Variants in DOCK1 observed in about 807,000 individuals in gnomAD.
DOCK1 encodes dedicator of cytokinesis protein 1.
In DOCK1, 138 loss-of-function variants were observed where a neutral mutation model predicts 262.7. The observed-to-expected ratio is 0.53, with a 90% CI of 0.46 to 0.61. The LOEUF (loss-of-function observed/expected upper bound fraction) is 0.61, where lower values mean the gene tolerates loss of function less well. DOCK1 is among the 20% of genes least tolerant of loss of function. DOCK1 has a pLI of 0.00. For synonymous variants in DOCK1, 866 were observed against 867.4 expected, an observed-to-expected ratio of 1.00 and a Z score of 0.03; for missense variants, 1,908 against 2,370.7, an observed-to-expected ratio of 0.80 and a Z score of 4.05.
intron 29 of DOCK1, among the ~76,000 whole-genome samples, chr10:127,266,506 C>CACACACACAT (rs1554935855): frequency 5.9e-5 from 8 of 135,580 alleles, no homozygotes; most frequent in Admixed American, 1.5e-4. Context: ...CACACACACA[C>CACACACACAT]ATATATATAG....
At chr10:126,958,483 A>C (rs2036926307) in intron 1 of DOCK1, among the ~76,000 whole-genome samples, 1 of 152,198 alleles carries the variant, frequency 6.6e-6, no homozygotes, top group African/African-American at 2.4e-5. Flanking sequence ...GCATTTTGGC[A>C]CAATGGGTAT....
At chr10:126,956,650 G>T (rs2134471412) in intron 1 of DOCK1, among the ~76,000 whole-genome samples, 1 of 152,344 alleles carries the variant, frequency 6.6e-6, no homozygotes, top group African/African-American at 2.4e-5. Context: ...GGCCCCGGCT[G>T]GATGGACCTT....
chr10:127,206,980 A>G (rs986431469), intron 27 of DOCK1, among the ~76,000 whole-genome samples: 1 of 152,200 alleles, frequency 6.6e-6, no homozygotes, highest in African/African-American at 2.4e-5. Context: ...TTAGTGGCCT[A>G]TTAAGTATTT....
chr10:126,943,175 C>T (rs1030646975), intron 1 of DOCK1, among the ~76,000 whole-genome samples: 3 of 151,044 alleles, frequency 2.0e-5, no homozygotes, highest in African/African-American at 2.4e-5. Context: ...ATCATTTGAA[C>T]GTGGGAGGCG....
chr10:126,938,423 A>G (rs2034704027), intron 1 of DOCK1, among the ~76,000 whole-genome samples: 1 of 152,112 alleles, frequency 6.6e-6, no homozygotes, highest in Non-Finnish European at 1.5e-5. Flanking sequence ...TTCCCATTGA[A>G]TGGTCTTGGC....
intron 43 of DOCK1, among the ~76,000 whole-genome samples, chr10:127,412,235 T>C (rs1354860051): frequency 6.6e-6 from 1 of 152,168 alleles, no homozygotes; most frequent in Non-Finnish European, 1.5e-5. Context: ...GTGCTGGGAT[T>C]ACAGGCGTGA....
rs142549495 is a variant in DOCK1 at position 127,100,361 on chromosome 10, C to T, written c.2446-5870C>T. On this transcript the variant is annotated intron_variant, in intron 23 of 51. Coordinates refer to ENST00000623213, the MANE Select transcript of DOCK1 (RefSeq NM_001290223.2). The surrounding 1 kb of genome is among the most constrained non-coding windows in gnomAD (Gnocchi z 5.5). ...GGGGCTGTGAGGAAGAGAGAACACCCGGTGTGATGCCCAGGCCTGTGGCAT... is the reference window on the plus strand; with the variant it reads ...GGGGCTGTGAGGAAGAGAGAACACCTGGTGTGATGCCCAGGCCTGTGGCAT... 7.8e-4 allele frequency among the ~76,000 whole-genome samples: 118 copies of T among 152,256 alleles called. No individual in the cohort carries two copies. The highest frequency in any genetic ancestry group is 2.6e-3 in the African/African-American group (109 of 41,558).
At chr10:127,375,951 C>T (rs2065461754) in intron 35 of DOCK1, among the ~76,000 whole-genome samples, 1 of 152,132 alleles carries the variant, frequency 6.6e-6, no homozygotes, top group African/African-American at 2.4e-5. Context: ...TACAGAGAAC[C>T]ACAGAGTGGA....
Position 127,101,380 on chromosome 10 carries a change from G to A in DOCK1, c.2446-4851G>A, listed in dbSNP as rs980984431. Among the ~76,000 whole-genome samples, 4 of 152,110 alleles carry A rather than the reference G, an allele frequency of 2.6e-5. No individual in the cohort carries two copies. In the South Asian group the frequency reaches 6.2e-4, roughly 24 times the overall value. ...TCTCCTCATGTTTCTTCTGAATTCCGTTCTCTCTGTCCTGTCTTTGTTCTG... is the reference window on the plus strand; with the variant it reads ...TCTCCTCATGTTTCTTCTGAATTCCATTCTCTCTGTCCTGTCTTTGTTCTG... On this transcript the variant is annotated intron_variant, in intron 23 of 51. Transcript: ENST00000623213.
intron 1 of DOCK1, among the ~76,000 whole-genome samples, chr10:126,923,699 G>C (rs767620958): frequency 6.6e-6 from 1 of 152,166 alleles, no homozygotes; most frequent in Non-Finnish European, 1.5e-5. Flanking sequence ...CGCCATTCTC[G>C]GCATCTCTCT....
At chr10:127,234,624 A>G (rs576594280) in intron 27 of DOCK1, among the ~76,000 whole-genome samples, 1 of 152,126 alleles carries the variant, frequency 6.6e-6, no homozygotes, top group African/African-American at 2.4e-5. Flanking sequence ...TCCCAATAGG[A>G]CCTTGTTTCA....
At chr10:127,202,696 C>T (rs2057527369) in intron 27 of DOCK1, among the ~76,000 whole-genome samples, 1 of 152,200 alleles carries the variant, frequency 6.6e-6, no homozygotes, top group South Asian at 2.1e-4. Flanking sequence ...TGTGCGCCTC[C>T]AGGGTGGCAG....
At chr10:127,087,420 CA>C (rs2047260763) in intron 23 of DOCK1, among the ~76,000 whole-genome samples, 1 of 152,078 alleles carries the variant, frequency 6.6e-6, no homozygotes, top group African/African-American at 2.4e-5. Context: ...CTGATGCTAA[CA>C]GGGGCAGGGG....
intron 23 of DOCK1, among the ~76,000 whole-genome samples, chr10:127,101,515 G>A (rs2136187076): frequency 6.6e-6 from 1 of 152,308 alleles, no homozygotes. Context: ...GGTTTAATCA[G>A]CATTTTGGGA....
At position 127,384,824 on chromosome 10, in the gene DOCK1, A is replaced by G. The variant is rs766579453; in HGVS notation, c.3842A>G (p.Gln1281Arg). 1 of 1,607,282 alleles carries G rather than the reference A, an allele frequency of 6.2e-7. No individual in the cohort carries two copies. Among genetic ancestry groups the G allele is most frequent in the Non-Finnish European group, 8.5e-7 (1 of 1,177,922 alleles). ...SEDVCVAHLTQRDGYQATTQG... is the reference protein window; with the variant it reads ...SEDVCVAHLTRRDGYQATTQG... ...GATGTGTGTGTGGCCCACCTCACCC[A>G]GCGGGACGGGTACCAGGCCACCACG... Residue 1281 changes from glutamine (Q) to arginine (R), a missense_variant, in exon 38 of 52, where the codon CAG becomes CGG. By Grantham distance (43) the Gln-to-Arg change is conservative. Coordinates refer to ENST00000623213, the MANE Select transcript of DOCK1 (RefSeq NM_001290223.2).
chr10:127,202,093 C>T lies in DOCK1; in HGVS notation c.2848-45915C>T, dbSNP rs1030085918. On this transcript the variant is annotated intron_variant, in intron 27 of 51. Transcript: ENST00000623213. ...ATCCGAGCATTTTGGGAGGCCAAGG[C>T]GGGCAGATTGCTTGAGCTCAGGAGT... Among the ~76,000 whole-genome samples, 10 of 152,196 alleles carry T rather than the reference C, an allele frequency of 6.6e-5. No individual in the cohort carries two copies. In the East Asian group the frequency reaches 1.2e-3, roughly 18 times the overall value.
At chr10:127,263,290 T>C (rs186767694) in intron 29 of DOCK1, among the ~76,000 whole-genome samples, 1 of 49,882 alleles carries the variant, frequency 2.0e-5, no homozygotes, top group African/African-American at 1.1e-4. Context: ...AATCCTCTTA[T>C]GGAAATTGCA....
rs141830486 is a variant in DOCK1 at position 127,176,142 on chromosome 10, C to T, written c.2847+48378C>T. ...GCGTGCGGGCACTGTCATGTATTTG[C>T]GGTAGGCTGCTCTGCAGGACACGGG... On this transcript the variant is annotated intron_variant, in intron 27 of 51. Transcript: ENST00000623213. This position sits in a 1 kb window ranked among gnomAD's most constrained non-coding sequence, Gnocchi z 4.4. 8.1e-5 allele frequency: 130 copies of T among 1,613,954 alleles called. No homozygotes were observed. The highest frequency in any genetic ancestry group is 3.0e-4 in the Admixed American group (18 of 59,994).
intron 27 of DOCK1, among the ~76,000 whole-genome samples, chr10:127,190,682 C>CCCCCCCCCCCG (rs1554912109): frequency 2.3e-5 from 1 of 43,738 alleles, no homozygotes; most frequent in African/African-American, 7.4e-5. Context: ...CCCCCCCCCC[C>CCCCCCCCCCCG]CGTTCCTGCT....
Sources: allele counts gnomAD v4.1 joint callset (sites outside exome capture counted in the v4.1 genomes callset), GRCh38; gene constraint gnomAD v4.1.1; non-coding constraint Gnocchi (gnomAD v3.1); transcripts MANE v1.5; gene names NCBI Gene and HGNC (gene_info 2026-07-23, HGNC 2026-07-21).